The following OR1M1 variants were observed in gnomAD, a reference collection of about 807,000 sequenced individuals.
OR1M1 encodes olfactory receptor 1M1.
For missense variants in OR1M1, 397 were observed against 401.8 expected, an observed-to-expected ratio of 0.99 and a Z score of 0.10; for synonymous variants, 157 against 165.5, an observed-to-expected ratio of 0.95 and a Z score of 0.39.
intron 1 of OR1M1, among the ~76,000 whole-genome samples, 193 bp from the exon 2 acceptor site, chr19:9,093,027 CTCTCTCTCTCTA>C (rs977554078): frequency 1.8e-3 from 249 of 134,638 alleles, no homozygotes; most frequent in African/African-American, 7.2e-3. Flanking sequence ...TATTCTCTCT[CTCTCTCTCTCTA>C]TATATATATA....
chr19:9,090,595 C>T lies in OR1M1; in HGVS notation c.-13-2637C>T, dbSNP rs191391569. ...GTTTACAGGCATGCGCCACCATGCC[C>T]GGCTAATTTTGTATTTTTAGTAGAG... On this transcript the variant is annotated intron_variant, in intron 1 of 1. Coordinates refer to ENST00000641627, the MANE Select transcript of OR1M1 (RefSeq NM_001004456.2). 1.1e-4 allele frequency among the ~76,000 whole-genome samples: 17 copies of T among 151,998 alleles called. No individual in the cohort carries two copies. The East Asian group carries it at 1.4e-3, about 12-fold the overall frequency.
In OR1M1 at chr19:9,093,640, C is replaced by T. The variant is rs765812666; in HGVS notation, c.396C>T (p.Tyr132=). The change falls in exon 2 of 2, where the codon TAC becomes TAT. Residue 132 remains tyrosine, a synonymous_variant. Coordinates refer to ENST00000641627, the MANE Select transcript of OR1M1 (RefSeq NM_001004456.2). ...TGGCCATCTGCCACCCATTGCACTA[C>T]GCCAAGATCATGAGCCTACGCCTCT... ...RFVAICHPLH[Y]AKIMSLRLCR... is the part of the protein sequence containing the mutation. The T allele has an allele frequency of 1.3e-5, 21 of 1,614,060 alleles. No individual in the cohort carries two copies. The highest frequency in any genetic ancestry group is 5.0e-5 in the Admixed American group (3 of 60,000).
chr19:9,091,717 T>A (rs969179230), intron 1 of OR1M1, among the ~76,000 whole-genome samples: 2 of 151,736 alleles, frequency 1.3e-5, no homozygotes, highest in African/African-American at 4.8e-5. Context: ...TAACACTCAT[T>A]GATGGATTGC....
rs1255180382 is a variant in OR1M1, at chr19:9,093,979, G to A, written c.735G>A (p.Leu245=). 1 of 1,614,152 alleles carries A rather than the reference G, an allele frequency of 6.2e-7. No individual in the cohort carries two copies. Among genetic ancestry groups the A allele is most frequent in the East Asian group, 2.2e-5 (1 of 44,858 alleles). The change falls in exon 2 of 2, where the codon CTG becomes CTA. Residue 245 remains leucine, a synonymous_variant. Transcript: ENST00000641627. ...KKAFSTCSSH[L]SVVALFYGTT... ...CCTTCTCCACCTGCAGCTCCCACCT[G>A]TCTGTGGTTGCTCTCTTCTATGGGA...
Position 9,093,894 on chromosome 19 carries a change from C to T in OR1M1, c.650C>T (p.Ser217Phe), listed in dbSNP as rs866179583. ...ACGCCCTTTGTCTGCATCCTGGCCT[C>T]CTATGCTCGCATCCTTGTGGCCATC... is the stretch of plus-strand genomic sequence containing the variant. ...IATPFVCILA[S>F]YARILVAIMK... The change falls in exon 2 of 2, where the codon TCC becomes TTC. Residue 217 changes from serine to phenylalanine, a missense_variant. Transcript: ENST00000641627. 6.2e-7 allele frequency: 1 copy of T among 1,614,180 alleles called. No individual in the cohort carries two copies. Among genetic ancestry groups the T allele is most frequent in the Non-Finnish European group, 8.5e-7 (1 of 1,180,040 alleles).
In OR1M1 at chr19:9,088,425, G is replaced by A. The variant is rs562534095; in HGVS notation, c.-14+1268G>A. ...CAAGAAGCTTAAGGGATGAATCTTCGGGTTCCTGATACTTAAATTTTTCCC... is the reference window on the plus strand; with the variant it reads ...CAAGAAGCTTAAGGGATGAATCTTCAGGTTCCTGATACTTAAATTTTTCCC... On this transcript the variant is annotated intron_variant, in intron 1 of 1. Coordinates refer to ENST00000641627, the MANE Select transcript of OR1M1 (RefSeq NM_001004456.2). Among the ~76,000 whole-genome samples, 70 of 152,172 alleles carry A rather than the reference G, an allele frequency of 4.6e-4. 1 individual carries two copies. The South Asian group carries it at 6.4e-3, about 14-fold the overall frequency.
At chr19:9,090,613 T>C (rs1257615181) in intron 1 of OR1M1, among the ~76,000 whole-genome samples, 1 of 151,994 alleles carries the variant, frequency 6.6e-6, no homozygotes, top group Non-Finnish European at 1.5e-5. Flanking sequence ...TTTGTATTTT[T>C]AGTAGAGACG....
At chr19:9,093,041 A>G (rs557937121) in intron 1 of OR1M1, 191 bp from the exon 2 acceptor site, 1 of 286,094 alleles carries the variant, frequency 3.5e-6, no homozygotes, top group Non-Finnish European at 6.4e-6. Flanking sequence ...CTCTCTCTAT[A>G]TATATATATA....
rs1413466952 is a variant in OR1M1, at chr19:9,093,402, C to T, written c.158C>T (p.Ser53Phe). 5 of 1,613,958 alleles carry T rather than the reference C, an allele frequency of 3.1e-6. No individual in the cohort carries two copies. The Admixed American group carries it at 8.3e-5, about 27-fold the overall frequency. The change falls in exon 2 of 2, where the codon TCC becomes TTC. Residue 53 changes from serine to phenylalanine, a missense_variant. Coordinates refer to ENST00000641627, the MANE Select transcript of OR1M1 (RefSeq NM_001004456.2). The stretch of plus-strand genomic sequence containing the variant: ...ATCATCCTGGCCATCAGCATAGACT[C>T]CCACCTCCACACCCCCATGTACTTC... ...LLIILAISIDSHLHTPMYFFL... is the reference protein window; with the variant it reads ...LLIILAISIDFHLHTPMYFFL...
intron 1 of OR1M1, 188 bp from the exon 2 acceptor site, chr19:9,093,044 T>C (rs950892916): frequency 6.9e-5 from 22 of 318,854 alleles, no homozygotes; most frequent in Non-Finnish European, 1.1e-4. Context: ...TCTCTATATA[T>C]ATATATATAC....
Position 9,093,920 on chromosome 19 carries a change from A to G in OR1M1, c.676A>G (p.Met226Val). Residue 226 changes from methionine to valine, a missense_variant, in exon 2 of 2, where the codon ATG becomes GTG. Transcript: ENST00000641627. Reference sequence around the variant, plus strand: ...CTATGCTCGCATCCTTGTGGCCATCATGAAGGTCCCCTCTGCAGGCGGCAG... The same window carrying G: ...CTATGCTCGCATCCTTGTGGCCATCGTGAAGGTCCCCTCTGCAGGCGGCAG... The part of the protein sequence containing the change: ...ASYARILVAI[M>V]KVPSAGGRKK... The G allele has an allele frequency of 2.5e-6, 4 of 1,614,138 alleles. No individual in the cohort carries two copies. Among genetic ancestry groups the G allele is most frequent in the Non-Finnish European group, 2.5e-6 (3 of 1,180,034 alleles).
chr19:9,093,562 C>T lies in OR1M1; in HGVS notation c.318C>T (p.Phe106=). The T allele has an allele frequency of 6.2e-7, 1 of 1,614,200 alleles. No individual in the cohort carries two copies. Among genetic ancestry groups the T allele is most frequent in the South Asian group, 1.1e-5 (1 of 91,084 alleles). Reference sequence around the variant, plus strand: ...TGATCCAGATGTACTTCTTCCATTTCTTTGGCATCGTGGACAGCGTCATAA... The same window carrying T: ...TGATCCAGATGTACTTCTTCCATTTTTTTGGCATCGTGGACAGCGTCATAA... ...CCLIQMYFFH[F]FGIVDSVIIA... The change falls in exon 2 of 2, where the codon TTC becomes TTT. Residue 106 remains phenylalanine, a synonymous_variant. Transcript: ENST00000641627.
chr19:9,093,569 A>G lies in OR1M1; in HGVS notation c.325A>G (p.Ile109Val). The G allele has an allele frequency of 6.2e-7, 1 of 1,614,160 alleles. No individual in the cohort carries two copies. The highest frequency in any genetic ancestry group is 8.5e-7 in the Non-Finnish European group (1 of 1,180,038). Residue 109 changes from isoleucine (I) to valine (V), a missense_variant, in exon 2 of 2, where the codon ATC (isoleucine) becomes GTC (valine). Ile to Val is a conservative substitution (Grantham distance 29). Transcript: ENST00000641627. Reference sequence around the variant, plus strand: ...GATGTACTTCTTCCATTTCTTTGGCATCGTGGACAGCGTCATAATCGCCAT... The same window carrying G: ...GATGTACTTCTTCCATTTCTTTGGCGTCGTGGACAGCGTCATAATCGCCAT... Reference protein sequence around the residue: ...IQMYFFHFFGIVDSVIIAMMA... With the variant: ...IQMYFFHFFGVVDSVIIAMMA...
chr19:9,092,000 C>T (rs552852778), intron 1 of OR1M1, among the ~76,000 whole-genome samples: 1 of 149,276 alleles, frequency 6.7e-6, no homozygotes, highest in South Asian at 2.1e-4. Flanking sequence ...ACCTCTGCTC[C>T]AAGGGTCAAG....
chr19:9,094,228 T>A lies in OR1M1; in HGVS notation c.*42T>A, dbSNP rs758342198. 11 of 1,226,278 alleles carry A rather than the reference T, an allele frequency of 9.0e-6. No individual in the cohort carries two copies. The highest frequency in any genetic ancestry group is 1.3e-5 in the Non-Finnish European group (11 of 869,764). The allele number at this position is 1,226,278 out of a possible 1,614,324, so 76.0% of individuals were successfully genotyped here. On this transcript the variant is annotated 3_prime_UTR_variant, in exon 2 of 2. Transcript: ENST00000641627. ...ACTTCTGGGGGGTAGAATATATACATCTGGGAGTCTTGGGCTAACATCTGG... is the reference window on the plus strand; with the variant it reads ...ACTTCTGGGGGGTAGAATATATACAACTGGGAGTCTTGGGCTAACATCTGG...
chr19:9,093,075 TATATAC>T (rs2050302604), intron 1 of OR1M1, 151 bp from the exon 2 acceptor site: 4 of 459,950 alleles, frequency 8.7e-6, no homozygotes, highest in African/African-American at 8.0e-5. Flanking sequence ...ATATATTCTA[TATATAC>T]ACACACACAC....
rs1218367526 is a variant in OR1M1 at position 9,094,411 on chromosome 19, G to A, written c.*225G>A. On this transcript the variant is annotated 3_prime_UTR_variant, in exon 2 of 2. Coordinates refer to ENST00000641627, the MANE Select transcript of OR1M1 (RefSeq NM_001004456.2). ...TCTCTGTGTGCATTGTTTTACTAGA[G>A]ACAGGGTCTCACTAATTTGGCCAGG... 3 of 410,890 alleles carry A rather than the reference G, an allele frequency of 7.3e-6. No homozygotes were observed. The highest frequency in any genetic ancestry group is 1.3e-5 in the Non-Finnish European group (3 of 232,924). The allele number at this position is 410,890 out of a possible 1,614,324, so 25.5% of individuals were successfully genotyped here. A position where few individuals can be genotyped will look rare whatever the true frequency, so the allele number is the denominator to read the frequency against.
chr19:9,093,940 C>T lies in OR1M1; in HGVS notation c.696C>T (p.Gly232=), dbSNP rs142350139. The T allele has an allele frequency of 2.0e-5, 32 of 1,613,994 alleles. No homozygotes were observed. Among genetic ancestry groups the T allele is most frequent in the African/African-American group, 4.0e-5 (3 of 74,918 alleles). Residue 232 remains glycine (G), a synonymous_variant, in exon 2 of 2, where the codon GGC becomes GGT. Transcript: ENST00000641627. ...CCATCATGAAGGTCCCCTCTGCAGG[C>T]GGCAGGAAGAAAGCCTTCTCCACCT... ...LVAIMKVPSA[G]GRKKAFSTCS...
chr19:9,092,616 C>G (rs776351046), intron 1 of OR1M1, among the ~76,000 whole-genome samples: 1 of 151,868 alleles, frequency 6.6e-6, no homozygotes, highest in Non-Finnish European at 1.5e-5. Context: ...AAAATAATAT[C>G]TTTAGCCTGG....
Sources: allele counts gnomAD v4.1 joint callset (sites outside exome capture counted in the v4.1 genomes callset), GRCh38; gene constraint gnomAD v4.1.1; transcripts MANE v1.5; gene names NCBI Gene and HGNC (gene_info 2026-07-23, HGNC 2026-07-21).